The following PMP22 variants were observed in gnomAD, a reference collection of about 807,000 sequenced individuals.
The protein encoded by PMP22 is peripheral myelin protein 22, also known as Charcot-Marie-Tooth neuropathy 1A (greatly reduced nerve conduction velocity, hereditary motor sensory neuropathy Ia).
In PMP22, 2 loss-of-function variants were observed where a neutral mutation model predicts 18.9. That is an observed-to-expected ratio of 0.11 (90% CI 0.04 to 0.33). The LOEUF is 0.33. PMP22 is among the 10% of genes least tolerant of loss of function. PMP22 has a pLI of 1.00. For synonymous variants in PMP22, 95 were observed against 89.2 expected (o/e 1.07, Z -0.37); for missense variants, 169 against 202.2 (o/e 0.84, Z 1.00).
intron 4 of PMP22, among the ~76,000 whole-genome samples, chr17:15,233,167 T>C (rs1906499792): frequency 6.6e-6 from 1 of 152,316 alleles, no homozygotes; most frequent in Non-Finnish European, 1.5e-5. Context: ...CAAATACCCC[T>C]AGTAAGTGGA....
chr17:15,258,902 AG>A lies in PMP22; in HGVS notation c.178+191del. 1 of 657,104 alleles carries A rather than the reference AG, an allele frequency of 1.5e-6. No individual in the cohort carries two copies. The highest frequency in any genetic ancestry group is 2.8e-6 in the Non-Finnish European group (1 of 360,198). The allele number at this position is 657,104 out of a possible 1,614,324, so 40.7% of individuals were successfully genotyped here. On this transcript the variant is annotated intron_variant, in intron 3 of 4. Transcript: ENST00000312280. The surrounding 1 kb of genome is among the most constrained non-coding windows in gnomAD (Gnocchi z 4.1). ...GGTAGAGTGAATCACAATGATGCCC[AG>A]GATCTCAGCTTCCCCAGCGAGATCA...
At chr17:15,235,114 C>T in intron 4 of PMP22, 1 of 669,912 alleles carries the variant, frequency 1.5e-6, no homozygotes, top group Admixed American at 2.2e-5. Context: ...GCCACCACAC[C>T]TGGCCCAAAT....
intron 2 of PMP22, among the ~76,000 whole-genome samples, chr17:15,259,769 G>C (rs1441158217): frequency 6.7e-6 from 1 of 149,154 alleles, no homozygotes; most frequent in African/African-American, 2.5e-5. Flanking sequence ...GTGAAACCCC[G>C]TCTCTACTAA....
At chr17:15,247,196 C>T (rs556988376) in intron 3 of PMP22, among the ~76,000 whole-genome samples, 2 of 151,876 alleles carry the variant, frequency 1.3e-5, no homozygotes, top group South Asian at 4.2e-4. Context: ...GGTGAAACCT[C>T]GTCTCTACTA....
At chr17:15,248,266 G>A (rs1013211542) in intron 3 of PMP22, among the ~76,000 whole-genome samples, 3 of 152,124 alleles carry the variant, frequency 2.0e-5, no homozygotes, top group Non-Finnish European at 4.4e-5. Context: ...TCACAAAGGC[G>A]ATGAAGGTGA....
At chr17:15,254,908 A>C (rs1204996253) in intron 3 of PMP22, among the ~76,000 whole-genome samples, 1 of 152,192 alleles carries the variant, frequency 6.6e-6, no homozygotes, top group Non-Finnish European at 1.5e-5. Flanking sequence ...GCAGTGAGCC[A>C]AGATGGCGCC....
In PMP22 at chr17:15,260,764, G is replaced by A. The variant is rs1189514060; in HGVS notation, c.-34-3C>T. On this transcript the variant is annotated splice_region_variant and splice_polypyrimidine_tract_variant and intron_variant, in intron 1 of 4. Transcript: ENST00000312280. ...GTTCTGCTCAGCGGAGTTTCTGCCT[G>A]CGAGGAGAGCGCTGGGCGTGAGGCC... The A allele has an allele frequency of 7.9e-6, 12 of 1,522,414 alleles. No homozygotes were observed. The highest frequency in any genetic ancestry group is 1.1e-5 in the Non-Finnish European group (12 of 1,120,720). The allele number at this position is 1,522,414 out of a possible 1,614,324, so 94.3% of individuals were successfully genotyped here.
intron 3 of PMP22, chr17:15,251,609 G>A (rs763481171): frequency 2.0e-5 from 3 of 153,246 alleles, no homozygotes; most frequent in Non-Finnish European, 4.4e-5. Context: ...AGGAGGGATG[G>A]GCCAGATGAC....
Position 15,230,924 on chromosome 17 carries a change from C to G in PMP22, c.476G>C (p.Arg159Pro), listed in dbSNP as rs773478255. The G allele has an allele frequency of 6.2e-7, 1 of 1,613,998 alleles. No homozygotes were observed. Among genetic ancestry groups the G allele is most frequent in the Non-Finnish European group, 8.5e-7 (1 of 1,180,028 alleles). Reference sequence around the variant, plus strand: ...ACAGACCGTCTGGGCGCCTCATTCGCGTTTCCGCAAGATCACATAGATGAC... The same window carrying G: ...ACAGACCGTCTGGGCGCCTCATTCGGGTTTCCGCAAGATCACATAGATGAC... The part of the protein sequence containing the change: ...SGVIYVILRK[R>P]E The change falls in exon 5 of 5, where the codon CGC becomes CCC. Residue 159 changes from arginine to proline, a missense_variant. Arg to Pro is a moderately radical substitution (Grantham distance 103, BLOSUM62 -2). Coordinates refer to ENST00000312280, the MANE Select transcript of PMP22 (RefSeq NM_000304.4).
chr17:15,245,483 T>G (rs1907720436), intron 3 of PMP22, among the ~76,000 whole-genome samples: 1 of 152,180 alleles, frequency 6.6e-6, no homozygotes, highest in Non-Finnish European at 1.5e-5. Flanking sequence ...GCCACATACA[T>G]TTTTTTGGCC....
intron 1 of PMP22, among the ~76,000 whole-genome samples, chr17:15,264,754 G>T (rs1272260080): frequency 1.3e-5 from 2 of 152,176 alleles, no homozygotes; most frequent in African/African-American, 4.8e-5. Context: ...CTCAGTGCCT[G>T]CTGACCAGGC....
rs1437402356 is a variant in PMP22 at position 15,236,925 on chromosome 17, A to G, written c.319+2546T>C. Among the ~76,000 whole-genome samples, 3 of 152,162 alleles carry G rather than the reference A, an allele frequency of 2.0e-5. No individual in the cohort carries two copies. In the East Asian group the frequency reaches 5.8e-4, roughly 29 times the overall value. On this transcript the variant is annotated intron_variant, in intron 4 of 4. Coordinates refer to ENST00000312280, the MANE Select transcript of PMP22 (RefSeq NM_000304.4). ...TGGGATTAACAACGGAGGACAGGACACTCTCAGGACTTACAAATTACAACT... is the reference window on the plus strand; with the variant it reads ...TGGGATTAACAACGGAGGACAGGACGCTCTCAGGACTTACAAATTACAACT...
In PMP22 at chr17:15,255,260, T is replaced by C. The variant is rs551876984; in HGVS notation, c.178+3834A>G. 8.5e-5 allele frequency among the ~76,000 whole-genome samples: 13 copies of C among 152,288 alleles called. No individual in the cohort carries two copies. The South Asian group carries it at 2.7e-3, about 32-fold the overall frequency. On this transcript the variant is annotated intron_variant, in intron 3 of 4. Transcript: ENST00000312280. ...TACAGAGAGGTATTTGCTGCCAGGT[T>C]TCTATGATTTGAAAAGCCATGCTTC...
intron 4 of PMP22, among the ~76,000 whole-genome samples, chr17:15,233,641 G>A (rs929754087): frequency 6.6e-6 from 1 of 152,224 alleles, no homozygotes; most frequent in South Asian, 2.1e-4. Context: ...TTTAATGAGT[G>A]CCTATTGCAT....
intron 3 of PMP22, among the ~76,000 whole-genome samples, chr17:15,256,086 G>A (rs1198975134): frequency 6.6e-6 from 1 of 152,222 alleles, no homozygotes; most frequent in African/African-American, 2.4e-5. Context: ...GTGCCAGAAA[G>A]TATACAAACA....
At chr17:15,237,759 G>T (rs960376811) in intron 4 of PMP22, among the ~76,000 whole-genome samples, 16 of 152,160 alleles carry the variant, frequency 1.1e-4, no homozygotes, top group Non-Finnish European at 2.4e-4. Context: ...TAACGAGCCT[G>T]TACAAATAAA....
intron 3 of PMP22, among the ~76,000 whole-genome samples, chr17:15,251,990 T>A (rs1908396872): frequency 6.6e-6 from 1 of 152,104 alleles, no homozygotes; most frequent in African/African-American, 2.4e-5. Context: ...GACAACACAT[T>A]CCGTCCTCTG....
chr17:15,236,829 T>C (rs1906859035), intron 4 of PMP22, among the ~76,000 whole-genome samples: 1 of 152,200 alleles, frequency 6.6e-6, no homozygotes. Flanking sequence ...GGAAAGATCC[T>C]GCAGCCATTT....
At chr17:15,260,939 G>C in intron 1 of PMP22, 178 bp from the exon 2 acceptor site, 1 of 391,764 alleles carries the variant, frequency 2.6e-6, no homozygotes. Context: ...GGCAGCAGCC[G>C]CCTGCAGGAC....
Sources: gnomAD v4.1 joint callset for allele counts (sites outside exome capture counted in the v4.1 genomes callset) on GRCh38, gnomAD v4.1.1 for gene constraint, Gnocchi (gnomAD v3.1) non-coding constraint, MANE v1.5 for transcripts, NCBI Gene and HGNC (gene_info 2026-07-23, HGNC 2026-07-21) for gene names.